The following EDA variants were observed in gnomAD, a reference collection of about 807,000 sequenced individuals.
EDA encodes the protein ectodysplasin-A.
EDA carries 2 observed loss-of-function variants against 23.6 expected under a neutral mutation model. The observed-to-expected ratio is 0.08, with a 90% CI of 0.03 to 0.27. EDA has a LOEUF of 0.27. EDA is among the 10% of genes least tolerant of loss of function. The pLI is 1.00. For missense variants in EDA, 229 were observed against 324.2 expected (o/e 0.71, Z 2.26); for synonymous variants, 131 against 132.0 (o/e 0.99, Z 0.05).
chrX:69,756,167 G>A lies in EDA; in HGVS notation c.396+139463G>A, dbSNP rs771675535. Among the ~76,000 whole-genome samples the A allele has an allele frequency of 3.6e-5, 4 of 111,833 alleles. No homozygotes were observed. In the East Asian group the frequency reaches 8.5e-4, roughly 24 times the overall value. On this transcript the variant is annotated intron_variant, in intron 1 of 7. Coordinates refer to ENST00000374552, the MANE Select transcript of EDA (RefSeq NM_001399.5). ...CTGCAGAATGGAGCTGTTCCTATTC[G>A]GCCATCTTGGAACCTCCTCAGTTTT...
chrX:69,865,709 C>T (rs942849328), intron 1 of EDA, among the ~76,000 whole-genome samples: 17 of 111,572 alleles, frequency 1.5e-4, no homozygotes, highest in Non-Finnish European at 3.0e-4. Context: ...CCCTTGTCAA[C>T]TTGAACCCAT....
chrX:69,827,109 C>G (rs774672887), intron 1 of EDA, among the ~76,000 whole-genome samples: 2 of 111,718 alleles, frequency 1.8e-5, no homozygotes, highest in African/African-American at 3.3e-5. Flanking sequence ...GTAACCCGAC[C>G]TTTCTCTCTG....
intron 1 of EDA, among the ~76,000 whole-genome samples, chrX:69,738,941 T>C (rs2013360086): frequency 9.0e-6 from 1 of 111,386 alleles, no homozygotes; most frequent in African/African-American, 3.2e-5. Flanking sequence ...TCCATGTGCA[T>C]TTCAGAAGAA....
intron 2 of EDA, among the ~76,000 whole-genome samples, chrX:70,017,207 C>G (rs918754857): frequency 8.9e-6 from 1 of 111,768 alleles, no homozygotes; most frequent in Non-Finnish European, 1.9e-5. Context: ...AAAATTGACT[C>G]AGTAATAAAT....
intron 1 of EDA, among the ~76,000 whole-genome samples, chrX:69,939,813 CAA>C (rs2147686779): frequency 8.9e-6 from 1 of 111,801 alleles, no homozygotes; most frequent in Non-Finnish European, 1.9e-5. Context: ...TGAATTTTAT[CAA>C]ACTCTTTTTT....
chrX:69,670,128 T>C (rs1293969186), intron 1 of EDA: 1 of 305,542 alleles, frequency 3.3e-6, no homozygotes, highest in African/African-American at 2.8e-5. Flanking sequence ...TGGGAAAAAC[T>C]GTCTCCTTCA....
intron 1 of EDA, among the ~76,000 whole-genome samples, chrX:69,903,980 T>C (rs2018139584): frequency 9.2e-6 from 1 of 108,927 alleles, no homozygotes; most frequent in Non-Finnish European, 1.9e-5. Flanking sequence ...CTGGCTAATT[T>C]TTTTGTATTT....
At chrX:69,717,138 T>C (rs1282875232) in intron 1 of EDA, among the ~76,000 whole-genome samples, 1 of 111,284 alleles carries the variant, frequency 9.0e-6, no homozygotes, top group Non-Finnish European at 1.9e-5. Context: ...CATCCTTGTC[T>C]TGTGCTGGTT....
chrX:70,025,652 T>G (rs1408901006), intron 3 of EDA, among the ~76,000 whole-genome samples: 1 of 112,108 alleles, frequency 8.9e-6, no homozygotes, highest in Admixed American at 9.5e-5. Flanking sequence ...TCCACTACAC[T>G]AGCTGGAATT....
intron 1 of EDA, among the ~76,000 whole-genome samples, chrX:69,844,790 C>T (rs776788445): frequency 1.5e-4 from 17 of 112,439 alleles, no homozygotes; most frequent in South Asian, 7.4e-4. Flanking sequence ...ATGAGTATGA[C>T]GAAACCTGCT....
intron 1 of EDA, among the ~76,000 whole-genome samples, chrX:69,766,501 T>A (rs1199630213): frequency 4.5e-5 from 5 of 111,273 alleles, no homozygotes; most frequent in African/African-American, 1.6e-4. Context: ...GTCCATGTGT[T>A]TTCATCATTT....
intron 1 of EDA, among the ~76,000 whole-genome samples, chrX:69,879,878 T>C (rs2017717012): frequency 8.9e-6 from 1 of 111,879 alleles, no homozygotes; most frequent in Admixed American, 9.5e-5. Context: ...CCACAAACTG[T>C]GAAAAATCTA....
At position 69,905,845 on chromosome X, in the gene EDA, A is replaced by G. The variant is rs1034208902; in HGVS notation, c.397-51182A>G. ...CATAAGCTCCATGAGGGAGGAGACT[A>G]TCCTGTTTGCCTTATTCACTGCTAT... On this transcript the variant is annotated intron_variant, in intron 1 of 7. Coordinates refer to ENST00000374552, the MANE Select transcript of EDA (RefSeq NM_001399.5). 7.2e-5 allele frequency among the ~76,000 whole-genome samples: 8 copies of G among 111,099 alleles called. No individual in the cohort carries two copies. The Admixed American group carries it at 7.7e-4, about 11-fold the overall frequency.
chrX:69,842,199 C>T (rs780567695), intron 1 of EDA, among the ~76,000 whole-genome samples: 2 of 111,244 alleles, frequency 1.8e-5, no homozygotes, highest in South Asian at 7.7e-4. Context: ...CATAGGAGCG[C>T]AAACCCTATT....
chrX:69,906,388 T>A (rs977193608), intron 1 of EDA, among the ~76,000 whole-genome samples: 2 of 112,614 alleles, frequency 1.8e-5, no homozygotes, highest in African/African-American at 6.4e-5. Context: ...AGGAATCTTT[T>A]GAGCACAAGG....
At chrX:69,692,186 A>T (rs1934730218) in intron 1 of EDA, among the ~76,000 whole-genome samples, 1 of 111,690 alleles carries the variant, frequency 9.0e-6, no homozygotes, top group African/African-American at 3.3e-5. Context: ...CTGTTGTAAC[A>T]TGTATCTTCA....
At chrX:69,903,579 G>GCACA (rs58725900) in intron 1 of EDA, among the ~76,000 whole-genome samples, 6 of 102,923 alleles carry the variant, frequency 5.8e-5, no homozygotes, top group Admixed American at 1.1e-4. Context: ...GGCCCCCTCC[G>GCACA]CACACACACA....
chrX:69,910,570 T>G (rs2018251769), intron 1 of EDA, among the ~76,000 whole-genome samples: 1 of 110,619 alleles, frequency 9.0e-6, no homozygotes, highest in Non-Finnish European at 1.9e-5. Context: ...AAGATTTCAA[T>G]TACATATGTG....
chrX:70,001,261 AAGCTCCATTCCTGATTAAAGGG>A (rs2019736848), intron 2 of EDA, among the ~76,000 whole-genome samples: 1 of 111,752 alleles, frequency 8.9e-6, no homozygotes. Flanking sequence ...GACTCAGGAT[AAGCTCCATTCCTGATTAAAGGG>A]ACACAACATG....
Sources: allele counts gnomAD v4.1 joint callset (sites outside exome capture counted in the v4.1 genomes callset), GRCh38; gene constraint gnomAD v4.1.1; transcripts MANE v1.5; gene names NCBI Gene and HGNC (gene_info 2026-07-23, HGNC 2026-07-21).